The following CPED1 variants were observed in gnomAD, a reference collection of about 807,000 sequenced individuals.
CPED1 encodes cadherin-like and PC-esterase domain-containing protein 1.
In CPED1, 114 loss-of-function variants were observed where a neutral mutation model predicts 128.2. The observed-to-expected ratio is 0.89, with a 90% confidence interval of 0.76 to 1.04. The LOEUF is 1.04. Among genes scored for constraint, CPED1 ranks in the 50% least tolerant of loss-of-function variants. The probability of loss-of-function intolerance (pLI) is 0.00; values close to 1 mark genes in which losing one functional copy is unlikely to be tolerated. For synonymous variants in CPED1, 462 were observed against 426.7 expected, an observed-to-expected ratio of 1.08 and a Z score of -1.02; for missense variants, 1,211 against 1,207.1, an observed-to-expected ratio of 1.00 and a Z score of -0.05.
chr7:121,042,943 A>G (rs1793095949), intron 3 of CPED1, among the ~76,000 whole-genome samples: 1 of 152,176 alleles, frequency 6.6e-6, no homozygotes, highest in Non-Finnish European at 1.5e-5. Context: ...AGAAGTCACC[A>G]CCCAAATTGA....
At chr7:121,076,063 G>A (rs780061250) in intron 5 of CPED1, among the ~76,000 whole-genome samples, 1 of 152,092 alleles carries the variant, frequency 6.6e-6, no homozygotes. Context: ...TTCAGTACAT[G>A]GTCATAGTCC....
At position 121,273,432 on chromosome 7, in the gene CPED1, G is replaced by T. The variant is rs562036050; in HGVS notation, c.2868+2002G>T. On this transcript the variant is annotated intron_variant, in intron 22 of 22. Coordinates refer to ENST00000310396, the MANE Select transcript of CPED1 (RefSeq NM_024913.5). ...AGCTACTGGGGAGGTAGAGGCAGGA[G>T]AATCACTTGAACCTGGGAAGTAGAG... Among the ~76,000 whole-genome samples the T allele has an allele frequency of 6.1e-3, 923 of 151,948 alleles. 11 individuals carry two copies. The highest frequency in any genetic ancestry group is 0.02 in the African/African-American group (848 of 41,438).
chr7:121,291,406 A>T (rs376056563), intron 22 of CPED1, among the ~76,000 whole-genome samples: 1 of 152,202 alleles, frequency 6.6e-6, no homozygotes, highest in Non-Finnish European at 1.5e-5. Flanking sequence ...GGCCATTTTC[A>T]CAATATTGAT....
intron 4 of CPED1, among the ~76,000 whole-genome samples, chr7:121,055,772 C>T (rs1222904823): frequency 8.6e-5 from 13 of 151,632 alleles, no homozygotes; most frequent in Admixed American, 8.5e-4. Flanking sequence ...TATTTAAAGA[C>T]AATTGTTTTA....
intron 7 of CPED1, among the ~76,000 whole-genome samples, chr7:121,109,869 A>G (rs749269230): frequency 3.3e-5 from 5 of 152,212 alleles, no homozygotes; most frequent in African/African-American, 7.2e-5. Flanking sequence ...CATGCCTTCA[A>G]GGAGTTACTG....
At chr7:121,229,811 C>T (rs1482445600) in intron 16 of CPED1, among the ~76,000 whole-genome samples, 1 of 151,768 alleles carries the variant, frequency 6.6e-6, no homozygotes, top group South Asian at 2.1e-4. Context: ...TTTTAGTTCA[C>T]GTCCTAAAAA....
chr7:121,168,804 T>C (rs984215283), intron 16 of CPED1, among the ~76,000 whole-genome samples: 5 of 152,304 alleles, frequency 3.3e-5, no homozygotes, highest in African/African-American at 1.2e-4. Context: ...GTTTTGATTT[T>C]TAGATCCCAC....
chr7:121,162,757 C>G (rs1005214461), intron 16 of CPED1, among the ~76,000 whole-genome samples: 3 of 152,200 alleles, frequency 2.0e-5, no homozygotes, highest in African/African-American at 7.2e-5. Flanking sequence ...CACATGGGAG[C>G]CTTCAGGCAA....
At chr7:121,220,795 C>T (rs1378714156) in intron 16 of CPED1, among the ~76,000 whole-genome samples, 1 of 151,972 alleles carries the variant, frequency 6.6e-6, no homozygotes, top group Non-Finnish European at 1.5e-5. Flanking sequence ...TCTAAGAGAT[C>T]CACTGTTTAG....
chr7:121,026,272 G>C (rs577747589), intron 3 of CPED1, among the ~76,000 whole-genome samples: 5 of 152,178 alleles, frequency 3.3e-5, no homozygotes, highest in Admixed American at 2.0e-4. Context: ...GCCTGTTCAG[G>C]GGTCTACCTG....
At chr7:121,074,278 T>G (rs1368205459) in intron 5 of CPED1, among the ~76,000 whole-genome samples, 1 of 152,076 alleles carries the variant, frequency 6.6e-6, no homozygotes, top group Non-Finnish European at 1.5e-5. Flanking sequence ...GAACAAAGCA[T>G]TGATGGAACC....
intron 5 of CPED1, among the ~76,000 whole-genome samples, chr7:121,096,028 G>A (rs1282986834): frequency 3.3e-5 from 5 of 151,984 alleles, no homozygotes; most frequent in African/African-American, 9.7e-5. Flanking sequence ...TTAAGAACAC[G>A]TATTTTATTA....
intron 16 of CPED1, among the ~76,000 whole-genome samples, chr7:121,146,640 T>C (rs1796030002): frequency 6.6e-6 from 1 of 152,174 alleles, no homozygotes; most frequent in African/African-American, 2.4e-5. Flanking sequence ...AATAACATTT[T>C]GATAAATAGT....
chr7:121,150,637 A>G (rs1271676876), intron 16 of CPED1, among the ~76,000 whole-genome samples: 1 of 152,230 alleles, frequency 6.6e-6, no homozygotes, highest in East Asian at 1.9e-4. Flanking sequence ...ACTGTCTTCC[A>G]CAGTGGCTGA....
chr7:121,255,183 C>G (rs778424325), intron 18 of CPED1, among the ~76,000 whole-genome samples: 6 of 152,058 alleles, frequency 3.9e-5, no homozygotes, highest in African/African-American at 4.8e-5. Flanking sequence ...AAACCGAATT[C>G]AGCAACACAT....
chr7:121,004,660 A>G (rs1344060745), intron 2 of CPED1, among the ~76,000 whole-genome samples: 1 of 152,164 alleles, frequency 6.6e-6, no homozygotes. Flanking sequence ...GAAAGTAGAT[A>G]GAGAAGAATG....
chr7:121,197,370 A>T (rs1051289261), intron 16 of CPED1, among the ~76,000 whole-genome samples: 4 of 152,140 alleles, frequency 2.6e-5, no homozygotes, highest in African/African-American at 9.7e-5. Context: ...CTTTACTATG[A>T]CTGCTGCTAT....
At chr7:121,254,184 C>CA (rs1470806623) in intron 18 of CPED1, among the ~76,000 whole-genome samples, 1 of 151,826 alleles carries the variant, frequency 6.6e-6, no homozygotes, top group Non-Finnish European at 1.5e-5. Flanking sequence ...CAACAGATTC[C>CA]AAAAAATTAA....
At chr7:121,161,738 T>G (rs1266749248) in intron 16 of CPED1, among the ~76,000 whole-genome samples, 3 of 152,176 alleles carry the variant, frequency 2.0e-5, no homozygotes, top group African/African-American at 7.2e-5. Context: ...AAAATGAGAA[T>G]AAAGTTTTAG....
Sources: allele counts gnomAD v4.1 joint callset (sites outside exome capture counted in the v4.1 genomes callset), GRCh38; gene constraint gnomAD v4.1.1; transcripts MANE v1.5; gene names NCBI Gene and HGNC (gene_info 2026-07-23, HGNC 2026-07-21).